OLFM3: variants seen among roughly 807,000 people sequenced by gnomAD.
OLFM3 encodes the protein noelin-3.
A neutral mutation model predicts 48.6 loss-of-function variants in OLFM3; 20 were observed. That is an observed-to-expected ratio of 0.41 (90% CI 0.29 to 0.60). The LOEUF is 0.60. OLFM3 is among the 20% of genes least tolerant of loss of function. The probability of loss-of-function intolerance (pLI) is 0.28; values close to 1 mark genes in which losing one functional copy is unlikely to be tolerated. For synonymous variants in OLFM3, 222 were observed against 198.1 expected, an observed-to-expected ratio of 1.12 and a Z score of -1.01; for missense variants, 437 against 544.3, an observed-to-expected ratio of 0.80 and a Z score of 1.96.
chr1:101,804,718 C>A lies in OLFM3; in HGVS notation c.897G>T (p.Met299Ile), dbSNP rs1054467118. ...SNIIIKYSFDMGRVLAQRSLE... is the reference protein window; with the variant it reads ...SNIIIKYSFDIGRVLAQRSLE... ...GGCTTCGTTGGGCAAGCACTCTCCC[C>A]ATATCAAAGCTGTATTTGATGATGA... Residue 299 changes from methionine to isoleucine, a missense_variant, in exon 6 of 6, where the codon ATG (methionine) becomes ATT (isoleucine). Around this residue, in one of 3 missense-constraint regions of OLFM3, gnomAD observed 314 missense variants for 365.5 expected, o/e 0.86. Transcript: ENST00000370103. This position sits in a 1 kb window ranked among gnomAD's most constrained non-coding sequence, Gnocchi z 4.5. The A allele has an allele frequency of 6.2e-7, 1 of 1,612,610 alleles. No homozygotes were observed. Among genetic ancestry groups the A allele is most frequent in the South Asian group, 1.1e-5 (1 of 91,056 alleles).
rs144307005 is a variant in OLFM3 at position 101,988,924 on chromosome 1, G to A, written c.69+7824C>T. ...GAATTGTTTTGCAAATTTGGGGTAG[G>A]GAGGAAATCCAATTCAACTTTTGTT... On this transcript the variant is annotated intron_variant, in intron 1 of 5. Transcript: ENST00000370103. Among the ~76,000 whole-genome samples, 850 of 152,108 alleles carry A rather than the reference G, an allele frequency of 5.6e-3. 6 individuals are homozygous for A. The highest frequency in any genetic ancestry group is 0.02 in the African/African-American group (815 of 41,524).
intron 2 of OLFM3, among the ~76,000 whole-genome samples, chr1:101,836,398 C>A (rs1341346766): frequency 6.6e-6 from 1 of 152,150 alleles, no homozygotes; most frequent in African/African-American, 2.4e-5. Context: ...AATTGAAGAG[C>A]TTAATGTTAA....
In OLFM3 at chr1:101,842,034, G is replaced by A. The variant is rs77363511; in HGVS notation, c.70-5009C>T. Among the ~76,000 whole-genome samples, 1,101 of 152,238 alleles carry A rather than the reference G, an allele frequency of 7.2e-3. 7 individuals are homozygous for A. Among genetic ancestry groups the A allele is most frequent in the Non-Finnish European group, 0.011 (752 of 68,000 alleles). On this transcript the variant is annotated intron_variant, in intron 1 of 5. Coordinates refer to ENST00000370103, the MANE Select transcript of OLFM3 (RefSeq NM_058170.4). ...TGAGGACAGGAATTAGACAGATGTCGACAGACCACGCCAAAAGAAGCTGTG... is the reference window on the plus strand; with the variant it reads ...TGAGGACAGGAATTAGACAGATGTCAACAGACCACGCCAAAAGAAGCTGTG...
At chr1:101,834,517 A>G (rs1655309419) in intron 2 of OLFM3, among the ~76,000 whole-genome samples, 1 of 152,190 alleles carries the variant, frequency 6.6e-6, no homozygotes. Context: ...CTATAGAGAG[A>G]TAAGCAAGGG....
intron 1 of OLFM3, among the ~76,000 whole-genome samples, chr1:101,888,764 T>A (rs1473217803): frequency 6.6e-6 from 1 of 152,180 alleles, no homozygotes; most frequent in Non-Finnish European, 1.5e-5. Context: ...GACAAAGGGC[T>A]AATATCCAGA....
At chr1:101,890,985 A>G (rs953021987) in intron 1 of OLFM3, among the ~76,000 whole-genome samples, 1 of 152,020 alleles carries the variant, frequency 6.6e-6, no homozygotes, top group African/African-American at 2.4e-5. Context: ...TATGCAATAT[A>G]GCCTAACCAA....
intron 1 of OLFM3, among the ~76,000 whole-genome samples, chr1:101,889,314 A>G (rs1315615953): frequency 1.3e-5 from 2 of 152,178 alleles, no homozygotes; most frequent in Non-Finnish European, 2.9e-5. Flanking sequence ...ATGGAATACT[A>G]TGCATCCATA....
intron 1 of OLFM3, among the ~76,000 whole-genome samples, chr1:101,855,427 T>C (rs550288422): frequency 6.6e-6 from 1 of 152,230 alleles, no homozygotes; most frequent in Admixed American, 6.5e-5. Flanking sequence ...TTAGTTATGC[T>C]ATCTCACTGT....
At chr1:101,849,729 A>G (rs956904285) in intron 1 of OLFM3, among the ~76,000 whole-genome samples, 1 of 152,182 alleles carries the variant, frequency 6.6e-6, no homozygotes, top group African/African-American at 2.4e-5. Flanking sequence ...TGAATTCCAT[A>G]AAGGTCTGCA....
intron 1 of OLFM3, among the ~76,000 whole-genome samples, chr1:101,990,989 TAAAAAAAA>T (rs58481588): frequency 2.2e-4 from 2 of 8,902 alleles, no homozygotes; most frequent in African/African-American, 5.3e-4. Flanking sequence ...TGTCAAAAAG[TAAAAAAAA>T]AAAAAAAAAA....
At chr1:101,832,937 A>C (rs183037010) in intron 2 of OLFM3, among the ~76,000 whole-genome samples, 37 of 152,360 alleles carry the variant, frequency 2.4e-4, no homozygotes, top group Non-Finnish European at 4.7e-4. Context: ...TGCTTTCAAC[A>C]TAACTTTCTA....
chr1:101,821,785 T>C (rs556710426), intron 4 of OLFM3, among the ~76,000 whole-genome samples: 1 of 152,288 alleles, frequency 6.6e-6, no homozygotes, highest in Admixed American at 6.5e-5. Context: ...GATTAACTTA[T>C]ATAGCAACCA....
intron 1 of OLFM3, among the ~76,000 whole-genome samples, chr1:101,864,663 T>C (rs1656787927): frequency 1.3e-5 from 2 of 152,128 alleles, no homozygotes; most frequent in Non-Finnish European, 2.9e-5. Flanking sequence ...ATTTTGCATT[T>C]TATTAGCACC....
chr1:101,890,181 A>G (rs1386593135), intron 1 of OLFM3, among the ~76,000 whole-genome samples: 1 of 152,088 alleles, frequency 6.6e-6, no homozygotes, highest in Non-Finnish European at 1.5e-5. Context: ...TGATCTTGGA[A>G]AATATGATAA....
chr1:101,862,191 A>G (rs1483394011), intron 1 of OLFM3, among the ~76,000 whole-genome samples: 2 of 152,216 alleles, frequency 1.3e-5, no homozygotes, highest in African/African-American at 4.8e-5. Flanking sequence ...CCTGGGTTGA[A>G]AATTGAGGCT....
chr1:101,838,961 T>C (rs1421103724), intron 1 of OLFM3, among the ~76,000 whole-genome samples: 1 of 152,182 alleles, frequency 6.6e-6, no homozygotes, highest in Non-Finnish European at 1.5e-5. Flanking sequence ...GGTCTTTTTC[T>C]TCTGAAAGCT....
intron 1 of OLFM3, among the ~76,000 whole-genome samples, chr1:101,856,365 C>G (rs1656408481): frequency 1.3e-5 from 2 of 151,936 alleles, no homozygotes; most frequent in African/African-American, 4.8e-5. Flanking sequence ...AAACCCTTTA[C>G]TTCATTAAAT....
At chr1:101,982,152 G>GA (rs1178105804) in intron 1 of OLFM3, among the ~76,000 whole-genome samples, 1 of 152,082 alleles carries the variant, frequency 6.6e-6, no homozygotes, top group Non-Finnish European at 1.5e-5. Context: ...TATTATAAAA[G>GA]AATTTATACA....
At chr1:101,977,549 G>A (rs1486184675) in intron 1 of OLFM3, among the ~76,000 whole-genome samples, 3 of 152,112 alleles carry the variant, frequency 2.0e-5, no homozygotes, top group Non-Finnish European at 4.4e-5. Context: ...AGGATCACTA[G>A]TTAGTTCAAT....
Sources: allele counts gnomAD v4.1 joint callset (sites outside exome capture counted in the v4.1 genomes callset), GRCh38; gene constraint gnomAD v4.1.1; regional missense constraint gnomAD v4.1.1; non-coding constraint Gnocchi (gnomAD v3.1); transcripts MANE v1.5; gene names NCBI Gene and HGNC (gene_info 2026-07-23, HGNC 2026-07-21).